The following APPBP2 variants were observed in gnomAD, a reference collection of about 807,000 sequenced individuals.
APPBP2 encodes the protein amyloid beta precursor protein binding protein 2, also known as amyloid protein-binding protein 2.
Under a neutral mutation model 76.0 loss-of-function variants are expected in APPBP2, and 15 were observed. The ratio of observed to expected loss-of-function variants is 0.20; its 90% CI spans 0.13 to 0.30. The LOEUF is 0.30. Ranked by LOEUF, APPBP2 falls within the 10% of genes least tolerant of loss-of-function variation. APPBP2 has a pLI of 1.00. For missense variants in APPBP2, 401 were observed against 687.2 expected, an observed-to-expected ratio of 0.58 and a Z score of 4.66; for synonymous variants, 222 against 242.2, an observed-to-expected ratio of 0.92 and a Z score of 0.77.
chr17:60,486,914 G>C (rs2090683967), intron 3 of APPBP2, among the ~76,000 whole-genome samples: 1 of 152,102 alleles, frequency 6.6e-6, no homozygotes, highest in Admixed American at 6.5e-5. Context: ...CTCAGCATTT[G>C]CTTATCTGTA....
At chr17:60,519,130 T>A (rs1475979311) in intron 1 of APPBP2, among the ~76,000 whole-genome samples, 5 of 126,762 alleles carry the variant, frequency 3.9e-5, no homozygotes, top group Admixed American at 7.2e-5. Flanking sequence ...CCTGAATAAA[T>A]TTTTTTTTTT....
chr17:60,522,645 TAGA>T (rs1475748824), intron 1 of APPBP2, among the ~76,000 whole-genome samples: 1 of 152,142 alleles, frequency 6.6e-6, no homozygotes, highest in Non-Finnish European at 1.5e-5. Flanking sequence ...GTTCTGATCT[TAGA>T]AGAAGAGTTC....
At chr17:60,455,510 C>T (rs2090424644) in intron 10 of APPBP2, among the ~76,000 whole-genome samples, 3 of 152,004 alleles carry the variant, frequency 2.0e-5, no homozygotes, top group Admixed American at 1.3e-4. Context: ...AAATGCATTA[C>T]GTGAAAAAGC....
At chr17:60,513,386 T>G in intron 1 of APPBP2, 3 of 666,950 alleles carry the variant, frequency 4.5e-6, no homozygotes, top group Non-Finnish European at 8.4e-6. Flanking sequence ...ACATCTTTGT[T>G]GCCAAGAATG....
At chr17:60,509,429 T>C (rs772039864) in intron 1 of APPBP2, among the ~76,000 whole-genome samples, 35 of 151,696 alleles carry the variant, frequency 2.3e-4, no homozygotes, top group Non-Finnish European at 4.0e-4. Flanking sequence ...ACAGTGACTG[T>C]ACATTTAAGA....
intron 11 of APPBP2, 63 bp downstream of exon 11, chr17:60,454,239 T>G: frequency 2.5e-6 from 3 of 1,220,022 alleles, no homozygotes; most frequent in East Asian, 5.1e-5. Flanking sequence ...TACTTAAAAT[T>G]TATTATTTCA....
At chr17:60,522,228 T>G (rs1030529312) in intron 1 of APPBP2, among the ~76,000 whole-genome samples, 20 of 152,218 alleles carry the variant, frequency 1.3e-4, no homozygotes, top group African/African-American at 4.8e-4. Flanking sequence ...CTGTTTAGAC[T>G]TCCTGTATAA....
chr17:60,479,294 T>C (rs1389769259), intron 3 of APPBP2, 23 bp from the exon 4 acceptor site: 14 of 1,582,666 alleles, frequency 8.8e-6, no homozygotes, highest in Non-Finnish European at 1.2e-5. Flanking sequence ...GAAACACCAA[T>C]TTTAGAAAAC....
At chr17:60,482,124 G>A (rs1186702123) in intron 3 of APPBP2, among the ~76,000 whole-genome samples, 1 of 152,068 alleles carries the variant, frequency 6.6e-6, no homozygotes, top group Non-Finnish European at 1.5e-5. Flanking sequence ...CAGGAGATCC[G>A]CCCACCTCAG....
chr17:60,462,295 A>G lies in APPBP2; in HGVS notation c.763-234T>C, dbSNP rs2090481076. 3 of 416,050 alleles carry G rather than the reference A, an allele frequency of 7.2e-6. No homozygotes were observed. The South Asian group carries it at 1.5e-4, about 20-fold the overall frequency. 25.8% of individuals were successfully genotyped at this position (416,050 alleles called of 1,614,324 possible). On this transcript the variant is annotated intron_variant, in intron 6 of 12. Coordinates refer to ENST00000083182, the MANE Select transcript of APPBP2 (RefSeq NM_006380.5). The stretch of plus-strand genomic sequence containing the variant: ...GTTTAAAATTTTGACAGTCAGTCCT[A>G]GTACAAATCTGTCAAAACAAAGTTA...
intron 10 of APPBP2, among the ~76,000 whole-genome samples, chr17:60,454,867 A>G (rs944279623): frequency 1.3e-5 from 2 of 152,202 alleles, no homozygotes; most frequent in African/African-American, 4.8e-5. Context: ...GCACTTCTGA[A>G]AATTTTGAAA....
intron 2 of APPBP2, among the ~76,000 whole-genome samples, chr17:60,497,674 AACATATT>A (rs2090787806): frequency 6.6e-6 from 1 of 152,166 alleles, no homozygotes; most frequent in South Asian, 2.1e-4. Context: ...CAGTACCTGG[AACATATT>A]AGGCACTCAG....
chr17:60,472,012 G>A (rs781153756), intron 4 of APPBP2, among the ~76,000 whole-genome samples: 13 of 152,262 alleles, frequency 8.5e-5, no homozygotes, highest in South Asian at 4.2e-4. Flanking sequence ...TGTAATCCCA[G>A]CTACTTGGGT....
chr17:60,481,680 C>T (rs1379140284), intron 3 of APPBP2, among the ~76,000 whole-genome samples: 1 of 152,156 alleles, frequency 6.6e-6, no homozygotes, highest in East Asian at 1.9e-4. Flanking sequence ...TAGAGCTGGG[C>T]TTCAGCTAAG....
intron 5 of APPBP2, among the ~76,000 whole-genome samples, chr17:60,465,654 G>A (rs1447484215): frequency 6.6e-6 from 1 of 152,126 alleles, no homozygotes; most frequent in Admixed American, 6.6e-5. Context: ...GATCACCTGA[G>A]CCCAGGAGTT....
At chr17:60,510,231 C>T (rs1301905480) in intron 1 of APPBP2, among the ~76,000 whole-genome samples, 2 of 151,702 alleles carry the variant, frequency 1.3e-5, no homozygotes, top group Admixed American at 6.6e-5. Context: ...AGCAAGACCC[C>T]CAACTCCACA....
chr17:60,504,799 C>T (rs1435106739), intron 1 of APPBP2, among the ~76,000 whole-genome samples: 1 of 152,128 alleles, frequency 6.6e-6, no homozygotes, highest in Non-Finnish European at 1.5e-5. Flanking sequence ...AGACTCTTGT[C>T]TCAAAAACAA....
At chr17:60,453,826 G>A (rs1236476687) in intron 11 of APPBP2, among the ~76,000 whole-genome samples, 1 of 152,054 alleles carries the variant, frequency 6.6e-6, no homozygotes, top group African/African-American at 2.4e-5. Context: ...ATAAGCCACT[G>A]TGCCTGGCCC....
intron 1 of APPBP2, among the ~76,000 whole-genome samples, chr17:60,508,014 C>T (rs2090882599): frequency 6.6e-6 from 1 of 151,514 alleles, no homozygotes; most frequent in South Asian, 2.1e-4. Context: ...ACTCTGCCAC[C>T]CAGGCTGGAG....
Sources: gnomAD v4.1 joint callset for allele counts (sites outside exome capture counted in the v4.1 genomes callset) on GRCh38, gnomAD v4.1.1 for gene constraint, MANE v1.5 for transcripts, NCBI Gene and HGNC (gene_info 2026-07-23, HGNC 2026-07-21) for gene names.